The following PRIM2 variants were observed in gnomAD, a reference collection of about 807,000 sequenced individuals.
The protein encoded by PRIM2 is DNA primase subunit 2, also known as DNA primase large subunit.
PRIM2 carries 39 observed loss-of-function variants against 67.3 expected under a neutral mutation model. That is an observed-to-expected ratio of 0.58 (90% CI 0.45 to 0.76). The LOEUF is 0.76. Among genes scored for constraint, PRIM2 ranks in the 30% least tolerant of loss-of-function variants. The probability of loss-of-function intolerance (pLI) is 0.00; values close to 1 mark genes in which losing one functional copy is unlikely to be tolerated. For synonymous variants in PRIM2, 143 were observed against 198.7 expected (o/e 0.72, Z 2.36); for missense variants, 398 against 598.7 (o/e 0.66, Z 3.50).
chr6:57,456,041 A>T (rs1376441815), intron 7 of PRIM2, among the ~76,000 whole-genome samples: 1 of 152,034 alleles, frequency 6.6e-6, no homozygotes, highest in Non-Finnish European at 1.5e-5. Context: ...TCCTTCACTT[A>T]TGAAGCTTAG....
chr6:57,582,373 A>G (rs1415469827), intron 10 of PRIM2, among the ~76,000 whole-genome samples: 1 of 152,190 alleles, frequency 6.6e-6, no homozygotes, highest in Non-Finnish European at 1.5e-5. Flanking sequence ...CTGAATTTGT[A>G]CTTCAGTTCC....
chr6:57,273,202 G>T, the PRIM2 span, among the ~76,000 whole-genome samples: 2 of 152,118 alleles, frequency 1.3e-5, no homozygotes, highest in Non-Finnish European at 2.9e-5. Context: ...AGTTCTCCTG[G>T]ATAATATCCT....
At chr6:57,577,640 A>C (rs1335028300) in intron 10 of PRIM2, among the ~76,000 whole-genome samples, 14,289 of 151,716 alleles carry the variant, frequency 0.094, 812 homozygotes, top group African/African-American at 0.16. Context: ...TATTGGCCAG[A>C]CTGGTCTCAA....
chr6:57,530,036 T>C (rs1328236889), intron 8 of PRIM2, among the ~76,000 whole-genome samples: 1 of 152,036 alleles, frequency 6.6e-6, no homozygotes, highest in Non-Finnish European at 1.5e-5. Context: ...ACAAGTTTCC[T>C]TCCCATGGCA....
chr6:57,385,547 T>C (rs1770115524), intron 7 of PRIM2, among the ~76,000 whole-genome samples: 1 of 152,228 alleles, frequency 6.6e-6, no homozygotes, highest in African/African-American at 2.4e-5. Flanking sequence ...GTTTATAAGT[T>C]ACTACCATCT....
intron 5 of PRIM2, among the ~76,000 whole-genome samples, chr6:57,375,672 CTT>C (rs1226774379): frequency 9.3e-4 from 126 of 136,014 alleles, no homozygotes; most frequent in Middle Eastern, 3.8e-3. Context: ...CCGCCTCAGC[CTT>C]TTTTTTTTTT....
intron 10 of PRIM2, among the ~76,000 whole-genome samples, chr6:57,571,581 C>A (rs1469824070): frequency 6.6e-6 from 1 of 152,030 alleles, no homozygotes; most frequent in African/African-American, 2.4e-5. Flanking sequence ...ACCTGGGAGG[C>A]GTAGGTTGCA....
intron 7 of PRIM2, among the ~76,000 whole-genome samples, chr6:57,436,277 G>C (rs1289770277): frequency 1.3e-5 from 2 of 152,148 alleles, no homozygotes; most frequent in African/African-American, 4.8e-5. Context: ...GGATTTCAGT[G>C]AGTAAAGGTA....
intron 12 of PRIM2, among the ~76,000 whole-genome samples, chr6:57,625,203 G>A (rs1199584666): frequency 6.6e-6 from 1 of 152,156 alleles, no homozygotes; most frequent in Admixed American, 6.5e-5. Flanking sequence ...GGCAGGATAA[G>A]AGAGAAGAAT....
chr6:57,336,726 G>A (rs2127288602), intron 5 of PRIM2, among the ~76,000 whole-genome samples: 1 of 152,206 alleles, frequency 6.6e-6, no homozygotes, highest in African/African-American at 2.4e-5. Context: ...ACATGGAAAG[G>A]AACAACTGGT....
At chr6:57,480,712 T>A (rs1436442888) in intron 7 of PRIM2, among the ~76,000 whole-genome samples, 9,983 of 152,254 alleles carry the variant, frequency 0.066, 683 homozygotes, top group African/African-American at 0.17. Context: ...CACTGCAACC[T>A]CCGCCTCCCA....
chr6:57,639,309 A>G lies in PRIM2; in HGVS notation c.1300-6619A>G, dbSNP rs1200229666. On this transcript the variant is annotated intron_variant, in intron 13 of 13. Transcript: ENST00000615550. ...CCCACAAGAGAAACCAAGAAAATCTAAAGTCGACACCCTAGCATCACAATT... is the reference window on the plus strand; with the variant it reads ...CCCACAAGAGAAACCAAGAAAATCTGAAGTCGACACCCTAGCATCACAATT... Among the ~76,000 whole-genome samples, 13 of 152,118 alleles carry G rather than the reference A, an allele frequency of 8.5e-5. No homozygotes were observed. In the South Asian group the frequency reaches 1.4e-3, roughly 17 times the overall value.
chr6:57,384,249 G>A, intron 7 of PRIM2, among the ~76,000 whole-genome samples: 1 of 152,160 alleles, frequency 6.6e-6, no homozygotes, highest in Non-Finnish European at 1.5e-5. Context: ...TGCTTCCTCT[G>A]AAGGTGCTGG....
intron 7 of PRIM2, among the ~76,000 whole-genome samples, chr6:57,430,455 T>C (rs1259062978): frequency 1.7e-5 from 2 of 114,920 alleles, no homozygotes; most frequent in Admixed American, 8.1e-5. Flanking sequence ...TTGTTTTTTT[T>C]TTTTTTTTTT....
At chr6:57,520,594 A>T (rs1275716562) in intron 8 of PRIM2, among the ~76,000 whole-genome samples, 2 of 152,214 alleles carry the variant, frequency 1.3e-5, no homozygotes, top group Non-Finnish European at 2.9e-5. Context: ...GTAAAGCTGT[A>T]GTTTGAATAT....
the PRIM2 span, among the ~76,000 whole-genome samples, chr6:57,277,473 C>G: frequency 6.6e-6 from 1 of 152,158 alleles, no homozygotes; most frequent in Non-Finnish European, 1.5e-5. Flanking sequence ...GAATGAGTCC[C>G]TGTCTTCAAG....
intron 10 of PRIM2, among the ~76,000 whole-genome samples, chr6:57,545,519 C>T (rs1162527601): frequency 6.6e-6 from 1 of 152,184 alleles, no homozygotes; most frequent in East Asian, 1.9e-4. Context: ...CAACCTCCAC[C>T]TCCTGGGTTC....
intron 5 of PRIM2, among the ~76,000 whole-genome samples, chr6:57,352,261 G>A (rs1768880980): frequency 6.6e-6 from 1 of 151,854 alleles, no homozygotes; most frequent in Admixed American, 6.6e-5. Context: ...CTTTTTTTGA[G>A]CCAGAGTCTC....
intron 3 of PRIM2, among the ~76,000 whole-genome samples, chr6:57,321,557 G>T (rs979713148): frequency 9.2e-5 from 14 of 151,916 alleles, no homozygotes; most frequent in African/African-American, 3.4e-4. Flanking sequence ...GAGGAATTTG[G>T]GAAGGAGAAT....
Sources: allele counts gnomAD v4.1 joint callset (sites outside exome capture counted in the v4.1 genomes callset), GRCh38; gene constraint gnomAD v4.1.1; transcripts MANE v1.5; gene names NCBI Gene and HGNC (gene_info 2026-07-23, HGNC 2026-07-21).